Variants in STAG1 observed in about 807,000 individuals in gnomAD.
STAG1 encodes the protein STAG1 cohesin complex component.
Under a neutral mutation model 170.9 loss-of-function variants are expected in STAG1, and 26 were observed. That is an observed-to-expected ratio of 0.15 (90% CI 0.11 to 0.21). The LOEUF is 0.21. Among genes scored for constraint, STAG1 ranks in the 10% least tolerant of loss-of-function variants. The pLI, the probability that STAG1 is intolerant of heterozygous loss-of-function variation, is 1.00. For synonymous variants in STAG1, 514 were observed against 497.7 expected, an observed-to-expected ratio of 1.03 and a Z score of -0.44; for missense variants, 964 against 1,509.5, an observed-to-expected ratio of 0.64 and a Z score of 5.99.
At chr3:136,393,590 CTT>C (rs774648941) in intron 22 of STAG1, among the ~76,000 whole-genome samples, 23 of 130,122 alleles carry the variant, frequency 1.8e-4, no homozygotes, top group Admixed American at 3.2e-4. Context: ...TACGCTTCAT[CTT>C]TTTTTTTTTT....
At chr3:136,582,921 G>T (rs911254680) in intron 4 of STAG1, among the ~76,000 whole-genome samples, 3 of 152,126 alleles carry the variant, frequency 2.0e-5, no homozygotes, top group Non-Finnish European at 2.9e-5. Flanking sequence ...GTAAAGAAAA[G>T]AATCAAAAAA....
intron 5 of STAG1, among the ~76,000 whole-genome samples, chr3:136,548,266 C>A (rs1936244397): frequency 6.6e-6 from 1 of 152,016 alleles, no homozygotes; most frequent in Non-Finnish European, 1.5e-5. Flanking sequence ...GCAAGCACCA[C>A]CATGCCCGGG....
intron 1 of STAG1, among the ~76,000 whole-genome samples, chr3:136,728,343 T>C (rs1251108895): frequency 6.6e-6 from 1 of 152,186 alleles, no homozygotes; most frequent in Non-Finnish European, 1.5e-5. Flanking sequence ...GTCTTGTTTC[T>C]GAAAGCAGCA....
At position 136,341,521 on chromosome 3, in the gene STAG1, C is replaced by G; in HGVS notation, c.3477G>C (p.Gln1159His). The G allele has an allele frequency of 6.2e-7, 1 of 1,613,648 alleles. No homozygotes were observed. Among genetic ancestry groups the G allele is most frequent in the South Asian group, 1.1e-5 (1 of 91,078 alleles). Residue 1159 changes from glutamine (Q) to histidine (H), a missense_variant, in exon 31 of 34, where the codon CAG becomes CAC. By Grantham distance (24) the Gln-to-His change is conservative. This residue lies in a region of STAG1 where 122 missense variants were observed against 129.0 expected (regional missense o/e 0.95). Transcript: ENST00000383202. ...TCCGATTTAAGTCTTCTAACTTCGG[C>G]TGGCCTAACCAAGAGATCTGCATCT... ...NPQMQISWLGQPKLEDLNRKD... is the reference protein window; with the variant it reads ...NPQMQISWLGHPKLEDLNRKD...
intron 1 of STAG1, among the ~76,000 whole-genome samples, chr3:136,660,733 C>CTAA: frequency 6.6e-6 from 1 of 151,946 alleles, no homozygotes; most frequent in Middle Eastern, 3.4e-3. Context: ...CTTTGGGAGG[C>CTAA]TAAGGTGGGA....
At chr3:136,591,905 C>T (rs1177427690) in intron 4 of STAG1, among the ~76,000 whole-genome samples, 2 of 152,164 alleles carry the variant, frequency 1.3e-5, no homozygotes, top group East Asian at 3.9e-4. Flanking sequence ...CCTCTTACAT[C>T]TACCTTTGCT....
At chr3:136,747,052 C>T (rs1457606401) in intron 1 of STAG1, among the ~76,000 whole-genome samples, 3 of 140,516 alleles carry the variant, frequency 2.1e-5, no homozygotes. Context: ...GCCGAGATTG[C>T]ACCACTGCAC....
At chr3:136,496,813 AAAT>A (rs1473947634) in intron 9 of STAG1, among the ~76,000 whole-genome samples, 1 of 152,126 alleles carries the variant, frequency 6.6e-6, no homozygotes, top group Admixed American at 6.5e-5. Context: ...TAGAAAACAA[AAAT>A]AATAGAAAAA....
intron 4 of STAG1, among the ~76,000 whole-genome samples, chr3:136,578,967 A>G (rs933038604): frequency 1.3e-5 from 2 of 152,250 alleles, no homozygotes; most frequent in Admixed American, 6.5e-5. Context: ...CTACCAAGAT[A>G]ATAAACTAGA....
chr3:136,452,793 T>C (rs913293380), intron 13 of STAG1, among the ~76,000 whole-genome samples: 4 of 152,118 alleles, frequency 2.6e-5, no homozygotes, highest in Admixed American at 2.6e-4. Context: ...TTAACTGAGT[T>C]CTATTTTCTT....
chr3:136,427,335 G>C (rs1179861031), intron 16 of STAG1, among the ~76,000 whole-genome samples: 1 of 152,056 alleles, frequency 6.6e-6, no homozygotes, highest in Non-Finnish European at 1.5e-5. Context: ...ATTGCAGTGA[G>C]CTCAAGTATT....
At chr3:136,619,756 CAAAAA>C (rs62857261) in intron 3 of STAG1, among the ~76,000 whole-genome samples, 1 of 67,756 alleles carries the variant, frequency 1.5e-5, no homozygotes, top group Non-Finnish European at 2.6e-5. Context: ...GACTCTGTCT[CAAAAA>C]AAAAAAAAAA....
chr3:136,404,780 A>C (rs2087428350), intron 21 of STAG1, among the ~76,000 whole-genome samples: 2 of 152,148 alleles, frequency 1.3e-5, no homozygotes, highest in African/African-American at 4.8e-5. Flanking sequence ...TGGAATGTTT[A>C]AGTTTAGAAA....
chr3:136,506,277 C>A (rs1576542907), intron 7 of STAG1, among the ~76,000 whole-genome samples: 1 of 152,012 alleles, frequency 6.6e-6, no homozygotes, highest in African/African-American at 2.4e-5. Flanking sequence ...TGAAATGATG[C>A]TGGCTTAGAT....
chr3:136,633,962 T>TGAAAAAA (rs1212800689), intron 1 of STAG1, among the ~76,000 whole-genome samples: 1 of 50,346 alleles, frequency 2.0e-5, no homozygotes, highest in Non-Finnish European at 4.2e-5. Context: ...TGTCTCTACT[T>TGAAAAAA]AAAAAAAAAA....
chr3:136,637,044 G>A (rs141845681), intron 1 of STAG1, among the ~76,000 whole-genome samples: 1,843 of 152,270 alleles, frequency 0.012, 13 homozygotes, highest in Non-Finnish European at 0.016. Context: ...TGGGGAAAAT[G>A]TGCAAACTCC....
At chr3:136,672,287 A>G (rs1942000645) in intron 1 of STAG1, among the ~76,000 whole-genome samples, 1 of 152,260 alleles carries the variant, frequency 6.6e-6, no homozygotes, top group South Asian at 2.1e-4. Flanking sequence ...AGCATTTTCA[A>G]TAGATGTGTA....
chr3:136,527,572 A>G (rs781775227), intron 6 of STAG1, among the ~76,000 whole-genome samples: 13 of 152,060 alleles, frequency 8.5e-5, no homozygotes, highest in Admixed American at 8.5e-4. Flanking sequence ...TGATCCTCTG[A>G]AGCCTCCTTC....
At position 136,433,546 on chromosome 3, in the gene STAG1, T is replaced by G. The variant is rs753580684; in HGVS notation, c.1650+10A>C. On this transcript the variant is annotated intron_variant, in intron 16 of 33. Transcript: ENST00000383202. Reference sequence around the variant, plus strand: ...AACCTTTTAGGAGATTTCTCACTAATGTAACTTACTCTCTTGCCGGTACCC... The same window carrying G: ...AACCTTTTAGGAGATTTCTCACTAAGGTAACTTACTCTCTTGCCGGTACCC... The G allele has an allele frequency of 2.5e-6, 4 of 1,592,590 alleles. No individual in the cohort carries two copies. In the South Asian group the frequency reaches 4.6e-5, roughly 18 times the overall value.
Sources: allele counts gnomAD v4.1 joint callset (sites outside exome capture counted in the v4.1 genomes callset), GRCh38; gene constraint gnomAD v4.1.1; regional missense constraint gnomAD v4.1.1; transcripts MANE v1.5; gene names NCBI Gene and HGNC (gene_info 2026-07-23, HGNC 2026-07-21).